The following ZNF521 variants were observed in gnomAD, a reference collection of about 807,000 sequenced individuals.
ZNF521 encodes zinc finger protein 521, also known as LYST-interacting protein 3.
In ZNF521, 14 loss-of-function variants were observed where a neutral mutation model predicts 105.5. That is an observed-to-expected ratio of 0.13 (90% CI 0.09 to 0.21). The LOEUF (loss-of-function observed/expected upper bound fraction) is 0.21. Ranked by LOEUF, ZNF521 falls within the 10% of genes least tolerant of loss-of-function variation. The probability of loss-of-function intolerance (pLI) is 1.00; values close to 1 mark genes in which losing one functional copy is unlikely to be tolerated. For synonymous variants in ZNF521, 635 were observed against 606.0 expected, an observed-to-expected ratio of 1.05 and a Z score of -0.70; for missense variants, 1,233 against 1,629.7, an observed-to-expected ratio of 0.76 and a Z score of 4.19.
chr18:25,148,739 TA>T lies in ZNF521; in HGVS notation c.3658+46420del, dbSNP rs536200762. Among the ~76,000 whole-genome samples the T allele has an allele frequency of 4.4e-4, 65 of 149,344 alleles. 1 individual carries two copies. Among genetic ancestry groups the T allele is most frequent in the South Asian group, 1.5e-3 (7 of 4,698 alleles). On this transcript the variant is annotated intron_variant, in intron 5 of 7. Transcript: ENST00000361524. ...GGATTGGTTTTCAGAGCATTCGAAT[TA>T]AAAAAAAAAGTCTTTTCACTTGTCA...
rs1018552444 is a variant in ZNF521, at chr18:25,284,586, A to T, written c.220+37422T>A. Among the ~76,000 whole-genome samples, 72 of 152,224 alleles carry T rather than the reference A, an allele frequency of 4.7e-4. 4 individuals are homozygous for T. ...GAAAATTAAAAAGAGAGGCAGAGTCATAGGCATAAAGAAGTCTTCAATAAA... is the reference window on the plus strand; with the variant it reads ...GAAAATTAAAAAGAGAGGCAGAGTCTTAGGCATAAAGAAGTCTTCAATAAA... On this transcript the variant is annotated intron_variant, in intron 3 of 7. Transcript: ENST00000361524.
At chr18:25,128,195 C>A (rs1344386691) in intron 5 of ZNF521, among the ~76,000 whole-genome samples, 6 of 151,446 alleles carry the variant, frequency 4.0e-5, no homozygotes, top group African/African-American at 1.5e-4. Context: ...TGTAATCTAT[C>A]ATGTCAAGAG....
intron 7 of ZNF521, among the ~76,000 whole-genome samples, chr18:25,068,747 A>G (rs1599957213): frequency 1.3e-5 from 2 of 152,234 alleles, no homozygotes; most frequent in East Asian, 1.9e-4. Flanking sequence ...ATGGAGGGAC[A>G]GAAGCTTCTG....
At chr18:25,282,362 G>A (rs575557632) in intron 3 of ZNF521, among the ~76,000 whole-genome samples, 32 of 152,270 alleles carry the variant, frequency 2.1e-4, no homozygotes, top group African/African-American at 6.0e-4. Flanking sequence ...AAAGCCAGGC[G>A]GCTTGTGACC....
chr18:25,285,705 C>T (rs946996328), intron 3 of ZNF521, among the ~76,000 whole-genome samples: 7 of 122,916 alleles, frequency 5.7e-5, no homozygotes, highest in Non-Finnish European at 9.2e-5. Context: ...CTCTCACACA[C>T]ACACACACAC....
intron 3 of ZNF521, among the ~76,000 whole-genome samples, chr18:25,306,854 G>A (rs367720303): frequency 1.3e-4 from 19 of 145,492 alleles, no homozygotes; most frequent in Non-Finnish European, 1.1e-4. Flanking sequence ...CACAATTCAA[G>A]AAAAAAAAAA....
chr18:25,077,163 CG>C (rs373857663), intron 7 of ZNF521, among the ~76,000 whole-genome samples: 58 of 152,262 alleles, frequency 3.8e-4, no homozygotes, highest in African/African-American at 1.3e-3. Flanking sequence ...GTCATCAGCC[CG>C]GGTTAGGAGA....
intron 5 of ZNF521, among the ~76,000 whole-genome samples, chr18:25,106,017 G>C (rs887646231): frequency 6.6e-6 from 1 of 150,954 alleles, no homozygotes; most frequent in African/African-American, 2.5e-5. Context: ...TATTCGTTTT[G>C]TTGTTGTTGT....
intron 5 of ZNF521, among the ~76,000 whole-genome samples, chr18:25,132,828 C>T (rs143298416): frequency 3.0e-4 from 45 of 152,282 alleles, no homozygotes; most frequent in African/African-American, 9.9e-4. Flanking sequence ...AAAAGGAACA[C>T]GCTGCCTGTC....
At chr18:25,179,384 T>A (rs1299819495) in intron 5 of ZNF521, among the ~76,000 whole-genome samples, 1 of 151,982 alleles carries the variant, frequency 6.6e-6, no homozygotes, top group East Asian at 1.9e-4. Context: ...GATCATTTAT[T>A]AAATCACTAC....
At chr18:25,108,391 T>A (rs1600036583) in intron 5 of ZNF521, among the ~76,000 whole-genome samples, 2 of 152,214 alleles carry the variant, frequency 1.3e-5, no homozygotes, top group East Asian at 3.8e-4. Context: ...ACTTTGAAGA[T>A]GTAACATATA....
At chr18:25,144,505 C>T (rs2034907345) in intron 5 of ZNF521, among the ~76,000 whole-genome samples, 1 of 152,006 alleles carries the variant, frequency 6.6e-6, no homozygotes, top group South Asian at 2.1e-4. Context: ...ATATCTTTAT[C>T]AAGAAAAGTA....
chr18:25,102,310 T>C (rs2033982749), intron 5 of ZNF521, among the ~76,000 whole-genome samples: 1 of 151,980 alleles, frequency 6.6e-6, no homozygotes, highest in South Asian at 2.1e-4. Flanking sequence ...CACAAAACTG[T>C]ATTTTTTGGC....
chr18:25,157,406 G>T (rs545165614), intron 5 of ZNF521, among the ~76,000 whole-genome samples: 2 of 152,338 alleles, frequency 1.3e-5, no homozygotes, highest in African/African-American at 4.8e-5. Flanking sequence ...TAACTTCAGT[G>T]ATCAGAAACG....
At chr18:25,329,589 G>A (rs1312885806) in intron 2 of ZNF521, among the ~76,000 whole-genome samples, 1 of 152,222 alleles carries the variant, frequency 6.6e-6, no homozygotes, top group Non-Finnish European at 1.5e-5. Flanking sequence ...TACCTGTGTT[G>A]CTATTCAAAA....
At chr18:25,150,443 T>C (rs2035025573) in intron 5 of ZNF521, among the ~76,000 whole-genome samples, 1 of 152,010 alleles carries the variant, frequency 6.6e-6, no homozygotes, top group Non-Finnish European at 1.5e-5. Context: ...TAAAAAATTA[T>C]AGGTAAATAA....
chr18:25,157,151 T>A (rs537981101), intron 5 of ZNF521, among the ~76,000 whole-genome samples: 1 of 151,982 alleles, frequency 6.6e-6, no homozygotes, highest in Non-Finnish European at 1.5e-5. Flanking sequence ...TGAGCCGAGA[T>A]TGCACCACTG....
chr18:25,340,063 G>C (rs142666161), intron 2 of ZNF521, among the ~76,000 whole-genome samples: 5 of 152,226 alleles, frequency 3.3e-5, no homozygotes, highest in Non-Finnish European at 7.4e-5. Flanking sequence ...TGTCTTTAAA[G>C]CAACACACTT....
chr18:25,111,045 G>A (rs1468145545), intron 5 of ZNF521, among the ~76,000 whole-genome samples: 17 of 151,928 alleles, frequency 1.1e-4, no homozygotes, highest in Admixed American at 1.0e-3. Context: ...TTACAGGCGT[G>A]AGCCACCACA....
Sources: allele counts gnomAD v4.1 joint callset (sites outside exome capture counted in the v4.1 genomes callset), GRCh38; gene constraint gnomAD v4.1.1; transcripts MANE v1.5; gene names NCBI Gene and HGNC (gene_info 2026-07-23, HGNC 2026-07-21).